The following MINDY2 variants were observed in gnomAD, a reference collection of about 807,000 sequenced individuals.
MINDY2 encodes the protein ubiquitin carboxyl-terminal hydrolase MINDY-2.
MINDY2 carries 52 observed loss-of-function variants against 68.2 expected under a neutral mutation model. The observed-to-expected ratio is 0.76, with a 90% CI of 0.61 to 0.96. MINDY2 has a LOEUF of 0.96. MINDY2 is among the 40% of genes least tolerant of loss of function. MINDY2 has a pLI of 0.00. For synonymous variants in MINDY2, 372 were observed against 303.0 expected, an observed-to-expected ratio of 1.23 and a Z score of -2.36; for missense variants, 881 against 773.4, an observed-to-expected ratio of 1.14 and a Z score of -1.65.
intron 3 of MINDY2, among the ~76,000 whole-genome samples, chr15:58,804,816 A>AT (rs1902909163): frequency 6.6e-6 from 1 of 151,762 alleles, no homozygotes; most frequent in Admixed American, 6.6e-5. Flanking sequence ...AAAAAAAAAA[A>AT]AGAAAAGAAA....
chr15:58,795,639 C>T lies in MINDY2; in HGVS notation c.899-6674C>T, dbSNP rs552879475. Among the ~76,000 whole-genome samples the T allele has an allele frequency of 3.7e-4, 56 of 152,246 alleles. 1 individual carries two copies. The highest frequency in any genetic ancestry group is 1.3e-3 in the African/African-American group (52 of 41,572). On this transcript the variant is annotated intron_variant, in intron 2 of 8. Transcript: ENST00000559228. ...CAGGATGGTCTCGATCTCCTGACCTCGTGATCCACCCGTCTCGGCCTCCCA... is the reference window on the plus strand; with the variant it reads ...CAGGATGGTCTCGATCTCCTGACCTTGTGATCCACCCGTCTCGGCCTCCCA...
At position 58,808,420 on chromosome 15, in the gene MINDY2, T is replaced by A. The variant is rs548657784; in HGVS notation, c.964-1810T>A. On this transcript the variant is annotated intron_variant, in intron 3 of 8. Coordinates refer to ENST00000559228, the MANE Select transcript of MINDY2 (RefSeq NM_001040450.3). ...AACCACTGATCTTTTTTACTGTCTC[T>A]GTAGTCTTGCCCTTTCCAGAATGTC... is the stretch of plus-strand genomic sequence containing the variant. Among the ~76,000 whole-genome samples, 5 of 152,348 alleles carry A rather than the reference T, an allele frequency of 3.3e-5. No homozygotes were observed. In the South Asian group the frequency reaches 1.0e-3, roughly 32 times the overall value.
chr15:58,810,458 C>A (rs1222781466), intron 4 of MINDY2, 70 bp downstream of exon 4: 1 of 1,349,336 alleles, frequency 7.4e-7, no homozygotes, highest in African/African-American at 1.5e-5. Context: ...AAATTAATCT[C>A]AATTTATATT....
chr15:58,786,635 AC>A (rs1200899363), intron 1 of MINDY2, among the ~76,000 whole-genome samples: 2 of 152,200 alleles, frequency 1.3e-5, no homozygotes, highest in Non-Finnish European at 2.9e-5. Context: ...AATACATAAA[AC>A]AGATATCCAG....
intron 2 of MINDY2, among the ~76,000 whole-genome samples, chr15:58,791,620 A>ATCTGTGTGTGTGTG (rs1491325995): frequency 1.2e-5 from 1 of 80,788 alleles, no homozygotes; most frequent in African/African-American, 4.8e-5. Context: ...CTGTCTCAAA[A>ATCTGTGTGTGTGTG]TATGTGTGTG....
intron 1 of MINDY2, among the ~76,000 whole-genome samples, chr15:58,780,755 G>A (rs943402754): frequency 6.6e-5 from 10 of 152,140 alleles, no homozygotes; most frequent in Non-Finnish European, 1.2e-4. Context: ...GGGCACTAAG[G>A]TGAATCAGCT....
At chr15:58,788,262 T>C (rs1361721365) in intron 2 of MINDY2, among the ~76,000 whole-genome samples, 2 of 152,160 alleles carry the variant, frequency 1.3e-5, no homozygotes, top group Admixed American at 6.5e-5. Flanking sequence ...ATCGCTGACA[T>C]TGCATGTAGA....
At chr15:58,789,006 C>T (rs555168754) in intron 2 of MINDY2, among the ~76,000 whole-genome samples, 19 of 150,346 alleles carry the variant, frequency 1.3e-4, no homozygotes, top group East Asian at 4.0e-4. Context: ...AGTGAGACTC[C>T]GTCTCAAAAA....
Position 58,771,770 on chromosome 15 carries a change from C to T in MINDY2, c.375C>T (p.Thr125=), listed in dbSNP as rs1317383780. ...AVAGVGHELG[T]AGDAGARPDL... Reference sequence around the variant, plus strand: ...CCGGAGTGGGTCATGAGTTGGGTACCGCCGGAGACGCGGGAGCCCGCCCGG... The same window carrying T: ...CCGGAGTGGGTCATGAGTTGGGTACTGCCGGAGACGCGGGAGCCCGCCCGG... Residue 125 remains threonine (T), a synonymous_variant, in exon 1 of 9, where the codon ACC becomes ACT. Coordinates refer to ENST00000559228, the MANE Select transcript of MINDY2 (RefSeq NM_001040450.3). The T allele has an allele frequency of 6.2e-7, 1 of 1,610,726 alleles. No individual in the cohort carries two copies. Among genetic ancestry groups the T allele is most frequent in the South Asian group, 1.1e-5 (1 of 90,954 alleles).
intron 1 of MINDY2, among the ~76,000 whole-genome samples, chr15:58,780,616 T>G (rs1901072722): frequency 6.6e-6 from 1 of 152,156 alleles, no homozygotes; most frequent in Admixed American, 6.5e-5. Context: ...ATGGACTTCA[T>G]GATTCCTTAG....
intron 7 of MINDY2, among the ~76,000 whole-genome samples, chr15:58,851,506 A>G (rs1480742885): frequency 2.6e-5 from 4 of 151,446 alleles, no homozygotes; most frequent in African/African-American, 7.3e-5. Context: ...TGAGGAGATC[A>G]TAACTCACTG....
chr15:58,853,837 A>C (rs2032951646), intron 8 of MINDY2, among the ~76,000 whole-genome samples: 4 of 150,802 alleles, frequency 2.7e-5, no homozygotes. Context: ...AAAAAAAAAA[A>C]AAAAAGTCTG....
At chr15:58,851,628 A>G in intron 7 of MINDY2, 143 bp from the exon 8 acceptor site, 1 of 607,516 alleles carries the variant, frequency 1.6e-6, no homozygotes, top group Non-Finnish European at 2.7e-6. Flanking sequence ...TTTTGTAGAG[A>G]CAGGGTCTTG....
chr15:58,841,870 G>C (rs962311322), intron 6 of MINDY2, among the ~76,000 whole-genome samples: 4 of 152,084 alleles, frequency 2.6e-5, no homozygotes, highest in African/African-American at 9.7e-5. Context: ...AACCATTTCT[G>C]TCCTAGAAAC....
At chr15:58,799,810 CTAGGAAGTGT>C (rs1902521121) in intron 2 of MINDY2, among the ~76,000 whole-genome samples, 1 of 152,032 alleles carries the variant, frequency 6.6e-6, no homozygotes, top group Non-Finnish European at 1.5e-5. Flanking sequence ...AACACGATAC[CTAGGAAGTGT>C]TAGGAAGTGT....
intron 3 of MINDY2, among the ~76,000 whole-genome samples, chr15:58,802,867 T>C (rs1902757697): frequency 6.6e-6 from 1 of 152,236 alleles, no homozygotes; most frequent in Admixed American, 6.5e-5. Flanking sequence ...TGTTCTGCAA[T>C]GTAGGAGGTA....
rs1423251782 is a variant in MINDY2, at chr15:58,861,650, A to G, written c.*7040A>G. On this transcript the variant is annotated 3_prime_UTR_variant, in exon 9 of 9. Coordinates refer to ENST00000559228, the MANE Select transcript of MINDY2 (RefSeq NM_001040450.3). ...CAATGTCATCAGTTTCAAAACTTTCACTTTGGGAGGATATTCCTTAAAAGG... is the reference window on the plus strand; with the variant it reads ...CAATGTCATCAGTTTCAAAACTTTCGCTTTGGGAGGATATTCCTTAAAAGG... 1.3e-5 allele frequency: 2 copies of G among 152,142 alleles called. No individual in the cohort carries two copies. Among genetic ancestry groups the G allele is most frequent in the African/African-American group, 4.8e-5 (2 of 41,440 alleles). The allele number at this position is 152,142 out of a possible 1,614,324, so 9.4% of individuals were successfully genotyped here.
At chr15:58,845,687 C>T (rs1638747213) in intron 6 of MINDY2, among the ~76,000 whole-genome samples, 1 of 152,176 alleles carries the variant, frequency 6.6e-6, no homozygotes. Flanking sequence ...CCGGCAATCC[C>T]ACTCCTAAGA....
chr15:58,841,492 G>A (rs1231721429), intron 6 of MINDY2, among the ~76,000 whole-genome samples: 3 of 146,724 alleles, frequency 2.0e-5, no homozygotes, highest in Non-Finnish European at 4.5e-5. Flanking sequence ...TGCAACCTCT[G>A]CCTCCCAGGT....
Sources: gnomAD v4.1 joint callset for allele counts (sites outside exome capture counted in the v4.1 genomes callset) on GRCh38, gnomAD v4.1.1 for gene constraint, MANE v1.5 for transcripts, NCBI Gene and HGNC (gene_info 2026-07-23, HGNC 2026-07-21) for gene names.